The following IL1RAPL1 variants were observed in gnomAD, a reference collection of about 807,000 sequenced individuals.
IL1RAPL1 encodes interleukin 1 receptor accessory protein like 1, also known as interleukin-1 receptor accessory protein-like 1.
In IL1RAPL1, 3 loss-of-function variants were observed where a neutral mutation model predicts 48.4. The observed-to-expected ratio is 0.06, with a 90% confidence interval of 0.03 to 0.16. IL1RAPL1 has a LOEUF of 0.16. Among genes scored for constraint, IL1RAPL1 ranks in the 10% least tolerant of loss-of-function variants. IL1RAPL1 has a pLI of 1.00. For synonymous variants in IL1RAPL1, 185 were observed against 187.7 expected, an observed-to-expected ratio of 0.99 and a Z score of 0.12; for missense variants, 349 against 530.6, an observed-to-expected ratio of 0.66 and a Z score of 3.36.
At chrX:28,707,454 C>G (rs1054751362) in intron 1 of IL1RAPL1, among the ~76,000 whole-genome samples, 1 of 112,241 alleles carries the variant, frequency 8.9e-6, no homozygotes, top group Non-Finnish European at 1.9e-5. Context: ...CCTAATAAGT[C>G]TGCACATCAA....
At chrX:28,666,807 G>A (rs1228986937) in intron 1 of IL1RAPL1, among the ~76,000 whole-genome samples, 2 of 111,619 alleles carry the variant, frequency 1.8e-5, no homozygotes, top group Non-Finnish European at 3.8e-5. Context: ...ATAACAAATT[G>A]CTAATTGATA....
intron 2 of IL1RAPL1, among the ~76,000 whole-genome samples, chrX:29,160,439 G>A (rs779418627): frequency 4.5e-5 from 5 of 111,368 alleles, no homozygotes; most frequent in Non-Finnish European, 9.4e-5. Context: ...AAAATATTGT[G>A]TAAAGATGTC....
At chrX:29,608,461 GGAA>G (rs1923966676) in intron 5 of IL1RAPL1, among the ~76,000 whole-genome samples, 1 of 85,377 alleles carries the variant, frequency 1.2e-5, no homozygotes, top group Admixed American at 1.4e-4. Flanking sequence ...GAAGAGGAAA[GGAA>G]GAAAGAAAGG....
At chrX:28,822,892 G>A (rs996059232) in intron 2 of IL1RAPL1, among the ~76,000 whole-genome samples, 1 of 111,460 alleles carries the variant, frequency 9.0e-6, no homozygotes, top group Non-Finnish European at 1.9e-5. Context: ...TATTTTTTGT[G>A]ACACAACATC....
At chrX:29,266,482 G>A (rs1931958782) in intron 2 of IL1RAPL1, among the ~76,000 whole-genome samples, 1 of 111,446 alleles carries the variant, frequency 9.0e-6, no homozygotes, top group Non-Finnish European at 1.9e-5. Flanking sequence ...CCTCCCAACA[G>A]TAGTCATCAT....
At chrX:29,849,510 G>A (rs914797268) in intron 6 of IL1RAPL1, among the ~76,000 whole-genome samples, 8 of 112,060 alleles carry the variant, frequency 7.1e-5, no homozygotes, top group Non-Finnish European at 1.5e-4. Context: ...GAAAAGTAAA[G>A]CCAGCTAACT....
At chrX:28,950,044 G>A (rs1295331586) in intron 2 of IL1RAPL1, among the ~76,000 whole-genome samples, 1 of 108,099 alleles carries the variant, frequency 9.3e-6, no homozygotes, top group Non-Finnish European at 1.9e-5. Context: ...TAATGCCTAG[G>A]TTTTCTTCTA....
intron 5 of IL1RAPL1, among the ~76,000 whole-genome samples, chrX:29,627,745 C>T (rs776902125): frequency 9.0e-6 from 1 of 111,626 alleles, no homozygotes; most frequent in Non-Finnish European, 1.9e-5. Flanking sequence ...TGGGAATGTT[C>T]ATCTCCATCA....
chrX:29,945,418 T>C (rs917242704), intron 9 of IL1RAPL1, among the ~76,000 whole-genome samples: 1 of 112,780 alleles, frequency 8.9e-6, no homozygotes, highest in Admixed American at 9.4e-5. Context: ...TTGCCTTCTT[T>C]ATTCATGGCT....
At chrX:29,560,338 G>A (rs1196505449) in intron 5 of IL1RAPL1, among the ~76,000 whole-genome samples, 1 of 111,839 alleles carries the variant, frequency 8.9e-6, no homozygotes, top group Non-Finnish European at 1.9e-5. Context: ...TTGATAATTT[G>A]ATTATAATGT....
intron 1 of IL1RAPL1, among the ~76,000 whole-genome samples, chrX:28,595,784 A>G (rs1282136228): frequency 8.9e-6 from 1 of 111,875 alleles, no homozygotes; most frequent in Non-Finnish European, 1.9e-5. Flanking sequence ...TGGATCTGGT[A>G]GCTCTCAGTG....
At chrX:28,694,684 CATATT>C (rs1339878719) in intron 1 of IL1RAPL1, among the ~76,000 whole-genome samples, 1 of 112,097 alleles carries the variant, frequency 8.9e-6, no homozygotes, top group Non-Finnish European at 1.9e-5. Context: ...GGTTGCAGCT[CATATT>C]ATAAGAGTTT....
At chrX:28,650,490 C>G (rs1403799493) in intron 1 of IL1RAPL1, among the ~76,000 whole-genome samples, 1 of 111,476 alleles carries the variant, frequency 9.0e-6, no homozygotes, top group Admixed American at 9.5e-5. Context: ...AAGACCTGCC[C>G]CCATGATTCA....
chrX:29,831,243 G>T (rs900900273), intron 6 of IL1RAPL1, among the ~76,000 whole-genome samples: 13 of 111,222 alleles, frequency 1.2e-4, no homozygotes, highest in African/African-American at 3.6e-4. Context: ...ACAAGATCCT[G>T]GTATCAAAAA....
intron 5 of IL1RAPL1, among the ~76,000 whole-genome samples, chrX:29,579,127 A>C (rs73452532): frequency 0.063 from 7,081 of 111,915 alleles, 189 homozygotes; most frequent in Middle Eastern, 0.18. Flanking sequence ...GGAAGCTTTT[A>C]AGATCAAGGC....
At chrX:28,869,654 GC>G (rs1256029841) in intron 2 of IL1RAPL1, among the ~76,000 whole-genome samples, 46 of 111,855 alleles carry the variant, frequency 4.1e-4, no homozygotes, top group African/African-American at 1.4e-3. Flanking sequence ...TAAAGTGAAC[GC>G]CAATGGCATT....
rs907108295 is a variant in IL1RAPL1 at position 29,108,394 on chromosome X, T to C, written c.83-174544T>C. On this transcript the variant is annotated intron_variant, in intron 2 of 10. Transcript: ENST00000378993. ...AAATAATGTTACAATGAGCATTTTGTTTTTGTTTGTTTGTTTGTTTTTTTG... is the reference window on the plus strand; with the variant it reads ...AAATAATGTTACAATGAGCATTTTGCTTTTGTTTGTTTGTTTGTTTTTTTG... Among the ~76,000 whole-genome samples, 3 of 110,457 alleles carry C rather than the reference T, an allele frequency of 2.7e-5. No homozygotes were observed. In the Admixed American group the frequency reaches 2.9e-4, roughly 11 times the overall value.
intron 3 of IL1RAPL1, among the ~76,000 whole-genome samples, chrX:29,383,923 A>T (rs926832307): frequency 4.5e-5 from 5 of 112,321 alleles, no homozygotes; most frequent in Non-Finnish European, 9.4e-5. Flanking sequence ...AAGAGGCTTT[A>T]ATCATAGAAA....
intron 2 of IL1RAPL1, among the ~76,000 whole-genome samples, chrX:28,859,547 C>A (rs985238176): frequency 1.8e-5 from 2 of 110,862 alleles, no homozygotes; most frequent in African/African-American, 3.3e-5. Context: ...AGTGAGCCAC[C>A]GCGCCTGGGC....
Sources: allele counts gnomAD v4.1 joint callset (sites outside exome capture counted in the v4.1 genomes callset), GRCh38; gene constraint gnomAD v4.1.1; transcripts MANE v1.5; gene names NCBI Gene and HGNC (gene_info 2026-07-23, HGNC 2026-07-21).